The following GRIN2A variants were observed in gnomAD, a reference collection of about 807,000 sequenced individuals.
The protein encoded by GRIN2A is glutamate ionotropic receptor NMDA type subunit 2A.
A neutral mutation model predicts 113.4 loss-of-function variants in GRIN2A; 22 were observed. The observed-to-expected ratio is 0.19, with a 90% CI of 0.14 to 0.28. The LOEUF (loss-of-function observed/expected upper bound fraction) is 0.28. GRIN2A is among the 10% of genes least tolerant of loss of function. The pLI is 1.00. For synonymous variants in GRIN2A, 827 were observed against 738.4 expected, an observed-to-expected ratio of 1.12 and a Z score of -1.94; for missense variants, 1,502 against 1,887.0, an observed-to-expected ratio of 0.80 and a Z score of 3.78.
rs772104446 is a variant in GRIN2A at position 9,764,022 on chromosome 16, A to G, written c.3522T>C (p.Asn1174=). ...GGTCGTTGTTGGAAAGCCCCTCTTC[A>G]TTATGCAAGGGGTTCCGGTTCATTG... The part of the protein sequence containing the change: ...TLPMNRNPLH[N]EEGLSNNDQY... The change falls in exon 13 of 13, where the codon AAT becomes AAC. Residue 1174 remains asparagine (N), a synonymous_variant. Transcript: ENST00000330684. 4 of 1,614,040 alleles carry G rather than the reference A, an allele frequency of 2.5e-6. No homozygotes were observed. In the South Asian group the frequency reaches 4.4e-5, roughly 18 times the overall value.
At chr16:9,793,140 A>G (rs1902724554) in intron 11 of GRIN2A, among the ~76,000 whole-genome samples, 1 of 152,168 alleles carries the variant, frequency 6.6e-6, no homozygotes, top group African/African-American at 2.4e-5. Context: ...TGCAAGGGAG[A>G]TAATAAGATT....
intron 2 of GRIN2A, among the ~76,000 whole-genome samples, chr16:9,957,459 T>C (rs1031432188): frequency 2.0e-5 from 3 of 152,212 alleles, no homozygotes; most frequent in Admixed American, 1.3e-4. Context: ...GTACCTTTAA[T>C]AAACTTTTTT....
At chr16:10,075,710 C>T (rs763609196) in intron 2 of GRIN2A, among the ~76,000 whole-genome samples, 3 of 152,100 alleles carry the variant, frequency 2.0e-5, no homozygotes, top group African/African-American at 4.8e-5. Flanking sequence ...AAAATAAGCC[C>T]TTTGACTAAC....
chr16:10,002,667 A>C (rs2046340880), intron 2 of GRIN2A, among the ~76,000 whole-genome samples: 1 of 152,214 alleles, frequency 6.6e-6, no homozygotes, highest in Non-Finnish European at 1.5e-5. Flanking sequence ...ACCTTATCCC[A>C]AGGGGCAATG....
At chr16:9,989,271 A>G (rs972431203) in intron 2 of GRIN2A, among the ~76,000 whole-genome samples, 1 of 152,218 alleles carries the variant, frequency 6.6e-6, no homozygotes, top group African/African-American at 2.4e-5. Flanking sequence ...GACAAAGTCA[A>G]CAAAAATAAG....
chr16:9,980,352 G>C (rs959909173), intron 2 of GRIN2A, among the ~76,000 whole-genome samples: 19 of 152,074 alleles, frequency 1.2e-4, no homozygotes, highest in Non-Finnish European at 2.4e-4. Context: ...TGCTGGAGAG[G>C]ATGTGGAGAA....
At chr16:10,032,558 T>A (rs567140154) in intron 2 of GRIN2A, among the ~76,000 whole-genome samples, 69 of 152,320 alleles carry the variant, frequency 4.5e-4, no homozygotes, top group African/African-American at 1.6e-3. Flanking sequence ...TAAATTAACT[T>A]TCAGCCCTTG....
In GRIN2A at chr16:9,762,524, A is replaced by T. The variant is rs936028193; in HGVS notation, c.*625T>A. 3 of 226,840 alleles carry T rather than the reference A, an allele frequency of 1.3e-5. No individual in the cohort carries two copies. Among genetic ancestry groups the T allele is most frequent in the African/African-American group, 6.7e-5 (3 of 44,766 alleles). The allele number at this position is 226,840 out of a possible 1,614,324, so 14.1% of individuals were successfully genotyped here. A position where few individuals can be genotyped will look rare whatever the true frequency, so the allele number is the denominator to read the frequency against. On this transcript the variant is annotated 3_prime_UTR_variant, in exon 13 of 13. Coordinates refer to ENST00000330684, the MANE Select transcript of GRIN2A (RefSeq NM_001134407.3). ...GAACTATAATGAAGGTAGCACAGTC[A>T]TCACGAACACACTGATTTGCTATTC... is the stretch of plus-strand genomic sequence containing the variant.
chr16:9,894,837 A>T (rs2043771678), intron 3 of GRIN2A, among the ~76,000 whole-genome samples: 1 of 152,174 alleles, frequency 6.6e-6, no homozygotes. Context: ...ATCCATCTAT[A>T]TATCTACCCT....
chr16:9,898,012 C>T (rs1239764576), intron 3 of GRIN2A, among the ~76,000 whole-genome samples: 1 of 149,980 alleles, frequency 6.7e-6, no homozygotes, highest in Non-Finnish European at 1.5e-5. Flanking sequence ...CAGTACCTGG[C>T]ACCTTGGGCA....
intron 2 of GRIN2A, among the ~76,000 whole-genome samples, chr16:10,085,914 C>T (rs1233863697): frequency 1.3e-5 from 2 of 152,070 alleles, no homozygotes; most frequent in Non-Finnish European, 2.9e-5. Context: ...AAAGTTTATG[C>T]GCTTAACCAC....
rs200446292 is a variant in GRIN2A at position 9,769,073 on chromosome 16, C to T, written c.2373G>A (p.Leu791=). The stretch of plus-strand genomic sequence containing the variant: ...AGATCCCAGTGAGCCACAGGGTCTC[C>T]AGCTCCTCCATCTCACCTGGACAGA... ...QFVGDGEMEE[L]ETLWLTGICH... is the part of the protein sequence containing the mutation. The change falls in exon 12 of 13, where the codon CTG becomes CTA. Residue 791 remains leucine (L), a synonymous_variant. Transcript: ENST00000330684. 6.2e-7 allele frequency: 1 copy of T among 1,613,602 alleles called. No individual in the cohort carries two copies. The highest frequency in any genetic ancestry group is 8.5e-7 in the Non-Finnish European group (1 of 1,179,518).
At chr16:9,799,538 G>C (rs867650748) in intron 10 of GRIN2A, among the ~76,000 whole-genome samples, 4 of 152,208 alleles carry the variant, frequency 2.6e-5, no homozygotes. Flanking sequence ...AGGAAACCAA[G>C]ACATAGTGCC....
At chr16:9,868,511 C>T (rs543442095) in intron 4 of GRIN2A, among the ~76,000 whole-genome samples, 9 of 152,314 alleles carry the variant, frequency 5.9e-5, no homozygotes, top group Admixed American at 5.9e-4. Context: ...AGGTGATCTG[C>T]CTGCCTCAAC....
At chr16:10,086,605 CAAAAAAAAA>C (rs3033377) in intron 2 of GRIN2A, among the ~76,000 whole-genome samples, 27 of 99,682 alleles carry the variant, frequency 2.7e-4, no homozygotes, top group East Asian at 5.1e-4. Context: ...GGAGCAGCTC[CAAAAAAAAA>C]AAAAAAAAAA....
At chr16:9,809,496 A>C (rs966345617) in intron 10 of GRIN2A, among the ~76,000 whole-genome samples, 1 of 152,230 alleles carries the variant, frequency 6.6e-6, no homozygotes, top group African/African-American at 2.4e-5. Flanking sequence ...TACATCAAAC[A>C]GACAACAGAT....
chr16:10,123,377 G>A (rs1339934497), intron 2 of GRIN2A, among the ~76,000 whole-genome samples: 3 of 152,002 alleles, frequency 2.0e-5, no homozygotes, highest in Admixed American at 6.6e-5. Flanking sequence ...AGCTCAACTT[G>A]CTTTTATTTT....
chr16:9,979,911 A>G (rs1188644411), intron 2 of GRIN2A, among the ~76,000 whole-genome samples: 1 of 150,086 alleles, frequency 6.7e-6, no homozygotes, highest in Non-Finnish European at 1.5e-5. Context: ...AGATATTTAT[A>G]TTATATTGAA....
chr16:10,007,227 G>A (rs1024511123), intron 2 of GRIN2A, among the ~76,000 whole-genome samples: 10 of 152,124 alleles, frequency 6.6e-5, no homozygotes, highest in African/African-American at 2.4e-4. Flanking sequence ...CATAGTGGCT[G>A]TATTAATTTA....
Sources: gnomAD v4.1 joint callset for allele counts (sites outside exome capture counted in the v4.1 genomes callset) on GRCh38, gnomAD v4.1.1 for gene constraint, MANE v1.5 for transcripts, NCBI Gene and HGNC (gene_info 2026-07-23, HGNC 2026-07-21) for gene names.